The following MYO16 variants were observed in gnomAD, a reference collection of about 807,000 sequenced individuals.
MYO16 encodes the protein myosin XVI.
A neutral mutation model predicts 205.3 loss-of-function variants in MYO16; 94 were observed. The ratio of observed to expected loss-of-function variants is 0.46; its 90% CI spans 0.39 to 0.54. MYO16 has a LOEUF of 0.54. MYO16 is among the 20% of genes least tolerant of loss of function. The probability of loss-of-function intolerance (pLI) is 0.00; values close to 1 mark genes in which losing one functional copy is unlikely to be tolerated. For missense variants in MYO16, 2,315 were observed against 2,387.5 expected (o/e 0.97, Z 0.63); for synonymous variants, 988 against 954.0 (o/e 1.04, Z -0.66).
chr13:108,572,824 G>T, the MYO16 span, among the ~76,000 whole-genome samples: 2 of 152,040 alleles, frequency 1.3e-5, no homozygotes, highest in Non-Finnish European at 2.9e-5. Context: ...TGTTAATAGT[G>T]GTTTTGTTAA....
chr13:108,767,625 C>T (rs949176109), intron 4 of MYO16, among the ~76,000 whole-genome samples: 5 of 151,878 alleles, frequency 3.3e-5, no homozygotes, highest in Admixed American at 1.3e-4. Flanking sequence ...ATGTTATTTC[C>T]CCATTGCCAG....
chr13:108,996,844 G>A (rs996012419), intron 21 of MYO16, among the ~76,000 whole-genome samples: 1 of 152,022 alleles, frequency 6.6e-6, no homozygotes, highest in African/African-American at 2.4e-5. Context: ...TGTTATTATA[G>A]AGCTCTGCAG....
In MYO16 at chr13:109,055,170, AG is replaced by A. The variant is rs1258855028; in HGVS notation, c.3129+45del. On this transcript the variant is annotated intron_variant, in intron 26 of 34. Coordinates refer to ENST00000457511, the MANE Select transcript of MYO16 (RefSeq NM_001198950.3). The surrounding 1 kb of genome is among the most constrained non-coding windows in gnomAD (Gnocchi z 5.0). ...TTTCAAAAACTTAATGTATGTTTATAGCAACTAAAGAGGGTTTATGTAGACT... is the reference window on the plus strand; with the variant it reads ...TTTCAAAAACTTAATGTATGTTTATACAACTAAAGAGGGTTTATGTAGACT... 2 of 1,451,764 alleles carry A rather than the reference AG, an allele frequency of 1.4e-6. No homozygotes were observed. Among genetic ancestry groups the A allele is most frequent in the Admixed American group, 4.4e-5 (2 of 45,182 alleles). 89.9% of individuals were successfully genotyped at this position (1,451,764 alleles called of 1,614,324 possible).
chr13:108,880,134 G>A (rs1299685987), intron 12 of MYO16, among the ~76,000 whole-genome samples: 1 of 152,196 alleles, frequency 6.6e-6, no homozygotes, highest in Non-Finnish European at 1.5e-5. Context: ...ATTTGTTCAT[G>A]TGTCTGTTGG....
the MYO16 span, among the ~76,000 whole-genome samples, chr13:108,526,579 C>T: frequency 6.6e-6 from 1 of 152,004 alleles, no homozygotes; most frequent in African/African-American, 2.4e-5. Context: ...TATTACTGAA[C>T]GAATAGTGCT....
chr13:108,532,353 T>C, the MYO16 span, among the ~76,000 whole-genome samples: 1 of 151,996 alleles, frequency 6.6e-6, no homozygotes, highest in African/African-American at 2.4e-5. Flanking sequence ...ACATGGAATT[T>C]ATTGGTTATC....
chr13:108,929,099 T>A (rs1177614813), intron 16 of MYO16, among the ~76,000 whole-genome samples: 2 of 152,136 alleles, frequency 1.3e-5, no homozygotes, highest in African/African-American at 2.4e-5. Flanking sequence ...GATCTAAAAT[T>A]AACTGTAAAT....
intron 6 of MYO16, among the ~76,000 whole-genome samples, chr13:108,803,489 G>A (rs1887025005): frequency 1.3e-5 from 2 of 152,128 alleles, no homozygotes; most frequent in African/African-American, 4.8e-5. Context: ...TATGAAATGG[G>A]CACAGTGTTG....
At chr13:108,639,440 G>A (rs1187183935) in intron 1 of MYO16, among the ~76,000 whole-genome samples, 3 of 152,030 alleles carry the variant, frequency 2.0e-5, no homozygotes, top group Non-Finnish European at 4.4e-5. Context: ...GCCCTTCATT[G>A]GGATCTCCTG....
chr13:109,153,822 A>G (rs868191105), intron 32 of MYO16, among the ~76,000 whole-genome samples: 71 of 152,324 alleles, frequency 4.7e-4, no homozygotes, highest in African/African-American at 1.7e-3. Context: ...GGCTAGGAGA[A>G]GGGAAACCCC....
At chr13:108,909,461 T>G (rs768796499) in intron 15 of MYO16, among the ~76,000 whole-genome samples, 3 of 152,118 alleles carry the variant, frequency 2.0e-5, no homozygotes, top group Non-Finnish European at 4.4e-5. Flanking sequence ...TTAAACTATA[T>G]CTGTGTGAAT....
At chr13:108,777,881 A>G (rs940384610) in intron 4 of MYO16, among the ~76,000 whole-genome samples, 1 of 152,186 alleles carries the variant, frequency 6.6e-6, no homozygotes, top group African/African-American at 2.4e-5. Context: ...CACAGAAGTA[A>G]TATCTGCACC....
intron 1 of MYO16, among the ~76,000 whole-genome samples, chr13:108,632,491 T>C (rs1880032693): frequency 6.6e-6 from 1 of 152,188 alleles, no homozygotes; most frequent in Non-Finnish European, 1.5e-5. Flanking sequence ...CGCAAGGAAC[T>C]GTTAGTCACC....
At chr13:108,794,569 C>T (rs1400389041) in intron 6 of MYO16, among the ~76,000 whole-genome samples, 1 of 152,146 alleles carries the variant, frequency 6.6e-6, no homozygotes, top group Non-Finnish European at 1.5e-5. Flanking sequence ...AAGCAAACTC[C>T]TGTCATTACT....
chr13:108,815,746 A>G (rs140244639), intron 7 of MYO16, among the ~76,000 whole-genome samples: 277 of 152,332 alleles, frequency 1.8e-3, no homozygotes, highest in Non-Finnish European at 3.1e-3. Context: ...AACAATCCCA[A>G]CCTAAAGCCT....
intron 4 of MYO16, among the ~76,000 whole-genome samples, chr13:108,735,671 C>T (rs987155602): frequency 8.6e-5 from 13 of 150,628 alleles, no homozygotes; most frequent in African/African-American, 3.2e-4. Flanking sequence ...AATGGTATGG[C>T]TGGGTCAAAT....
chr13:108,567,334 C>T, the MYO16 span, among the ~76,000 whole-genome samples: 1 of 152,066 alleles, frequency 6.6e-6, no homozygotes, highest in Non-Finnish European at 1.5e-5. Flanking sequence ...GAGCTTGGAG[C>T]ACAGACCCTT....
chr13:108,744,985 A>AT (rs528148370), intron 4 of MYO16, among the ~76,000 whole-genome samples: 185 of 152,342 alleles, frequency 1.2e-3, no homozygotes, highest in Non-Finnish European at 2.3e-3. Context: ...ATAATATTAG[A>AT]TTTTAGAAGA....
intron 16 of MYO16, among the ~76,000 whole-genome samples, chr13:108,936,517 A>G (rs1463021243): frequency 1.3e-5 from 2 of 152,116 alleles, no homozygotes; most frequent in Non-Finnish European, 2.9e-5. Context: ...ACATAGAGCT[A>G]TTTATAACAG....
Sources: allele counts gnomAD v4.1 joint callset (sites outside exome capture counted in the v4.1 genomes callset), GRCh38; gene constraint gnomAD v4.1.1; non-coding constraint Gnocchi (gnomAD v3.1); transcripts MANE v1.5; gene names NCBI Gene and HGNC (gene_info 2026-07-23, HGNC 2026-07-21).